WDR25: variants seen among roughly 807,000 people sequenced by gnomAD.
WDR25 encodes the protein WD repeat domain 25, also known as WD repeat-containing protein 25.
A neutral mutation model predicts 47.7 loss-of-function variants in WDR25; 35 were observed. The observed-to-expected ratio is 0.73, with a 90% CI of 0.56 to 0.97. WDR25 has a LOEUF of 0.97. Among genes scored for constraint, WDR25 ranks in the 50% least tolerant of loss-of-function variants. The pLI is 0.00. For missense variants in WDR25, 634 were observed against 704.7 expected (o/e 0.90, Z 1.14); for synonymous variants, 248 against 278.9 (o/e 0.89, Z 1.10).
At chr14:100,408,496 C>G (rs931429456) in intron 2 of WDR25, among the ~76,000 whole-genome samples, 3 of 152,170 alleles carry the variant, frequency 2.0e-5, no homozygotes, top group African/African-American at 4.8e-5. Flanking sequence ...TCAGTGCTGT[C>G]TCTTTTCCCT....
intron 2 of WDR25, among the ~76,000 whole-genome samples, chr14:100,387,802 C>A (rs1306557843): frequency 1.3e-5 from 2 of 152,240 alleles, no homozygotes; most frequent in Non-Finnish European, 2.9e-5. Context: ...AAAAGCGCAT[C>A]CCCTTCACCC....
At chr14:100,419,371 A>G (rs1036473462) in intron 2 of WDR25, among the ~76,000 whole-genome samples, 4 of 152,086 alleles carry the variant, frequency 2.6e-5, no homozygotes, top group Admixed American at 6.5e-5. Flanking sequence ...GTTCAGATGA[A>G]CAGTGTTTAG....
chr14:100,437,460 ATACCT>A (rs140056630), intron 2 of WDR25, among the ~76,000 whole-genome samples: 1,612 of 152,288 alleles, frequency 0.011, 16 homozygotes, highest in Middle Eastern at 0.037. Context: ...AGCTGGGCTC[ATACCT>A]TAGCTTTGGC....
At position 100,428,877 on chromosome 14, in the gene WDR25, A is replaced by G. The variant is rs1898246358; in HGVS notation, c.823-39144A>G. Among the ~76,000 whole-genome samples the G allele has an allele frequency of 1.3e-5, 2 of 151,990 alleles. No homozygotes were observed. The highest frequency in any genetic ancestry group is 4.2e-4 in the South Asian group (2 of 4,790). On this transcript the variant is annotated intron_variant, in intron 2 of 6. Coordinates refer to ENST00000402312, the MANE Select transcript of WDR25 (RefSeq NM_001161476.3). This position sits in a 1 kb window ranked among gnomAD's most constrained non-coding sequence, Gnocchi z 4.3. ...TTCTTCCATTTCATGAAGCAATATC[A>G]CTCAAGCTCCTCTTGCGTCTTTGGC... is the stretch of plus-strand genomic sequence containing the variant.
At chr14:100,454,578 C>T (rs1387742294) in intron 2 of WDR25, 3 of 563,912 alleles carry the variant, frequency 5.3e-6, no homozygotes, top group Non-Finnish European at 9.1e-6. Context: ...CAGGCAGAGA[C>T]TGGACAGACG....
At chr14:100,475,414 C>T (rs539758547) in intron 3 of WDR25, among the ~76,000 whole-genome samples, 23 of 152,146 alleles carry the variant, frequency 1.5e-4, no homozygotes, top group African/African-American at 2.9e-4. Context: ...AAAGAAAATG[C>T]GGTGAATATT....
rs539163285 is a variant in WDR25 at position 100,474,048 on chromosome 14, C to T, written c.970+5880C>T. On this transcript the variant is annotated intron_variant, in intron 3 of 6. Coordinates refer to ENST00000402312, the MANE Select transcript of WDR25 (RefSeq NM_001161476.3). Reference sequence around the variant, plus strand: ...GGCTCAGAGGGGCTCCACAGCCTAGCGAGGTCTGAGCTGATGAGGGTTCCC... The same window carrying T: ...GGCTCAGAGGGGCTCCACAGCCTAGTGAGGTCTGAGCTGATGAGGGTTCCC... Among the ~76,000 whole-genome samples, 6 of 152,322 alleles carry T rather than the reference C, an allele frequency of 3.9e-5. No homozygotes were observed. In the South Asian group the frequency reaches 6.2e-4, roughly 16 times the overall value.
At chr14:100,476,852 G>C (rs916037191) in intron 3 of WDR25, among the ~76,000 whole-genome samples, 1 of 152,152 alleles carries the variant, frequency 6.6e-6, no homozygotes, top group Non-Finnish European at 1.5e-5. Context: ...TCCCTGGAGA[G>C]GGGGGCATGA....
Position 100,399,166 on chromosome 14 carries a change from G to A in WDR25, c.822+17420G>A, listed in dbSNP as rs150006553. On this transcript the variant is annotated intron_variant, in intron 2 of 6. Coordinates refer to ENST00000402312, the MANE Select transcript of WDR25 (RefSeq NM_001161476.3). ...CTAATGTTGACATTAGCTAGAATTC[G>A]AATTTAGACTGCTTACCACATTGAT... Among the ~76,000 whole-genome samples the A allele has an allele frequency of 3.0e-3, 458 of 151,350 alleles. 1 individual carries two copies. Among genetic ancestry groups the A allele is most frequent in the Non-Finnish European group, 4.5e-3 (307 of 67,910 alleles).
At chr14:100,514,295 A>T (rs1901419508) in intron 4 of WDR25, among the ~76,000 whole-genome samples, 1 of 152,180 alleles carries the variant, frequency 6.6e-6, no homozygotes, top group African/African-American at 2.4e-5. Flanking sequence ...TTTAGGCAGC[A>T]TATAGCTGGA....
rs570407222 is a variant in WDR25, at chr14:100,500,453, G to A, written c.1101+16329G>A. 1.3e-5 allele frequency among the ~76,000 whole-genome samples: 2 copies of A among 152,286 alleles called. No individual in the cohort carries two copies. The highest frequency in any genetic ancestry group is 2.1e-4 in the South Asian group (1 of 4,824). ...GGTCAGATGGAGGCATGCCGGGCAC[G>A]GGGCATTCTCTGTGGCCCAGCCCAA... On this transcript the variant is annotated intron_variant, in intron 4 of 6. Transcript: ENST00000402312. This position sits in a 1 kb window ranked among gnomAD's most constrained non-coding sequence, Gnocchi z 4.7.
At chr14:100,483,260 G>A (rs370099642) in intron 3 of WDR25, among the ~76,000 whole-genome samples, 10 of 152,260 alleles carry the variant, frequency 6.6e-5, no homozygotes, top group East Asian at 1.9e-4. Context: ...TAAAAAAGAC[G>A]TTTTCCACAC....
At chr14:100,478,552 T>TA (rs1319865774) in intron 3 of WDR25, among the ~76,000 whole-genome samples, 2 of 152,266 alleles carry the variant, frequency 1.3e-5, no homozygotes, top group African/African-American at 2.4e-5. Flanking sequence ...CTAAAAAATT[T>TA]AAAAATCTTG....
chr14:100,509,311 T>C (rs187369791), intron 4 of WDR25, among the ~76,000 whole-genome samples: 31 of 152,344 alleles, frequency 2.0e-4, no homozygotes, highest in Admixed American at 1.8e-3. Flanking sequence ...ATCTTTTATC[T>C]TCTAAGGAAT....
chr14:100,491,783 G>A (rs913852111), intron 4 of WDR25, among the ~76,000 whole-genome samples: 1 of 152,218 alleles, frequency 6.6e-6, no homozygotes, highest in Non-Finnish European at 1.5e-5. Context: ...CTCCGTGCCT[G>A]GTGTCAGGAC....
Position 100,506,043 on chromosome 14 carries a change from T to C in WDR25, c.1102-19827T>C, listed in dbSNP as rs1309515374. ...GTTACTGAGCATAGTACTCAACAGT[T>C]AGTTTTTCAACCCTTGCCCGCTCCC... On this transcript the variant is annotated intron_variant, in intron 4 of 6. Transcript: ENST00000402312. The surrounding 1 kb of genome is among the most constrained non-coding windows in gnomAD (Gnocchi z 4.8). Among the ~76,000 whole-genome samples the C allele has an allele frequency of 6.6e-6, 1 of 152,178 alleles. No individual in the cohort carries two copies. Among genetic ancestry groups the C allele is most frequent in the African/African-American group, 2.4e-5 (1 of 41,428 alleles).
intron 4 of WDR25, among the ~76,000 whole-genome samples, chr14:100,494,651 C>T (rs1900673082): frequency 6.6e-6 from 1 of 152,150 alleles, no homozygotes; most frequent in Non-Finnish European, 1.5e-5. Flanking sequence ...CTTCTTAGTC[C>T]CCTCTCCCCT....
At chr14:100,526,931 C>T in intron 5 of WDR25, among the ~76,000 whole-genome samples, 1 of 152,270 alleles carries the variant, frequency 6.6e-6, no homozygotes, top group Non-Finnish European at 1.5e-5. Flanking sequence ...CCACTCCTGT[C>T]ATCACCACCA....
intron 2 of WDR25, among the ~76,000 whole-genome samples, chr14:100,463,740 A>G (rs184432155): frequency 6.6e-6 from 1 of 152,058 alleles, no homozygotes; most frequent in Non-Finnish European, 1.5e-5. Flanking sequence ...CTTCCCTCAA[A>G]CTTACCCCTT....
Sources: allele counts gnomAD v4.1 joint callset (sites outside exome capture counted in the v4.1 genomes callset), GRCh38; gene constraint gnomAD v4.1.1; non-coding constraint Gnocchi (gnomAD v3.1); transcripts MANE v1.5; gene names NCBI Gene and HGNC (gene_info 2026-07-23, HGNC 2026-07-21).